The following SSBP2 variants were observed in gnomAD, a reference collection of about 807,000 sequenced individuals.
SSBP2 encodes the protein single-stranded DNA-binding protein 2.
Under a neutral mutation model 61.8 loss-of-function variants are expected in SSBP2, and 17 were observed. That is an observed-to-expected ratio of 0.28 (90% confidence interval 0.19 to 0.41). The LOEUF is 0.41. Among genes scored for constraint, SSBP2 ranks in the 10% least tolerant of loss-of-function variants. The pLI is 1.00. For synonymous variants in SSBP2, 139 were observed against 141.3 expected, an observed-to-expected ratio of 0.98 and a Z score of 0.12; for missense variants, 310 against 458.7, an observed-to-expected ratio of 0.68 and a Z score of 2.96.
chr5:81,595,401 C>T (rs1448177939), intron 4 of SSBP2, among the ~76,000 whole-genome samples: 3 of 152,196 alleles, frequency 2.0e-5, no homozygotes, highest in Admixed American at 6.5e-5. Flanking sequence ...CAGCCGAGTT[C>T]TACCAGAGGT....
chr5:81,701,113 T>C (rs1753953138), intron 1 of SSBP2, among the ~76,000 whole-genome samples: 1 of 152,236 alleles, frequency 6.6e-6, no homozygotes, highest in Admixed American at 6.5e-5. Context: ...TAGCTTTTGA[T>C]TTAAAGCAAA....
chr5:81,634,265 T>C (rs1747995369), intron 3 of SSBP2, among the ~76,000 whole-genome samples: 1 of 152,260 alleles, frequency 6.6e-6, no homozygotes, highest in Non-Finnish European at 1.5e-5. Flanking sequence ...AGACAGTTCT[T>C]TTCCATTGAT....
chr5:81,717,938 A>C (rs1383521870), intron 1 of SSBP2, among the ~76,000 whole-genome samples: 1 of 152,174 alleles, frequency 6.6e-6, no homozygotes, highest in Non-Finnish European at 1.5e-5. Flanking sequence ...CTCTCCACGT[A>C]AAACAAATGT....
intron 1 of SSBP2, among the ~76,000 whole-genome samples, chr5:81,688,820 G>A (rs1753005763): frequency 6.6e-6 from 1 of 151,998 alleles, no homozygotes; most frequent in Admixed American, 6.6e-5. Context: ...GAACACTGAT[G>A]AACAACTGCA....
intron 4 of SSBP2, among the ~76,000 whole-genome samples, chr5:81,544,635 G>C (rs1220849331): frequency 6.6e-6 from 1 of 152,132 alleles, no homozygotes; most frequent in Non-Finnish European, 1.5e-5. Flanking sequence ...ACAAAACTAA[G>C]AGTAAATGTG....
intron 6 of SSBP2, among the ~76,000 whole-genome samples, chr5:81,483,730 C>A (rs1327710202): frequency 1.3e-5 from 2 of 151,634 alleles, no homozygotes. Context: ...GATGTTTGTC[C>A]CTATAGCACA....
At chr5:81,432,719 C>G (rs764922781) in intron 15 of SSBP2, among the ~76,000 whole-genome samples, 1 of 152,140 alleles carries the variant, frequency 6.6e-6, no homozygotes, top group Non-Finnish European at 1.5e-5. Flanking sequence ...GTACTCCAGC[C>G]TGGGCGACAG....
At position 81,611,558 on chromosome 5, in the gene SSBP2, G is replaced by T. The variant is rs536005678; in HGVS notation, c.282+3915C>A. On this transcript the variant is annotated intron_variant, in intron 4 of 16. Transcript: ENST00000320672. ...TAAGTTAAAAATGCATGCTATTTTT[G>T]AAAGAATATCATGTTTTTTAAATTT... Among the ~76,000 whole-genome samples the T allele has an allele frequency of 2.0e-3, 311 of 152,074 alleles. 2 individuals carry two copies. Among genetic ancestry groups the T allele is most frequent in the African/African-American group, 7.3e-3 (301 of 41,494 alleles).
intron 1 of SSBP2, among the ~76,000 whole-genome samples, chr5:81,711,819 C>T (rs1754803961): frequency 6.6e-6 from 1 of 151,954 alleles, no homozygotes; most frequent in Admixed American, 6.6e-5. Flanking sequence ...CTTACTCCTC[C>T]ACTTCCTAGT....
At chr5:81,689,189 A>G (rs185798844) in intron 1 of SSBP2, among the ~76,000 whole-genome samples, 106 of 152,106 alleles carry the variant, frequency 7.0e-4, no homozygotes, top group African/African-American at 2.5e-3. Context: ...CAGAGGAGAA[A>G]AAAAGAAAAA....
chr5:81,522,773 C>G (rs1253435052), intron 4 of SSBP2, among the ~76,000 whole-genome samples: 1 of 152,064 alleles, frequency 6.6e-6, no homozygotes, highest in Non-Finnish European at 1.5e-5. Flanking sequence ...GGCCACCTCA[C>G]TTAGTCACCC....
chr5:81,600,933 C>A (rs1216625373), intron 4 of SSBP2, among the ~76,000 whole-genome samples: 2 of 152,048 alleles, frequency 1.3e-5, no homozygotes, highest in African/African-American at 2.4e-5. Context: ...ATATGCTGAA[C>A]AATACAGAAT....
At chr5:81,634,620 G>A (rs751984344) in intron 3 of SSBP2, among the ~76,000 whole-genome samples, 1 of 152,166 alleles carries the variant, frequency 6.6e-6, no homozygotes, top group African/African-American at 2.4e-5. Context: ...AAACTGCATT[G>A]TATTCTCTTT....
chr5:81,661,710 G>A (rs938910499), intron 1 of SSBP2, among the ~76,000 whole-genome samples: 4 of 151,804 alleles, frequency 2.6e-5, no homozygotes, highest in African/African-American at 9.7e-5. Flanking sequence ...TCTTGCTATC[G>A]AGTTGTCTGA....
chr5:81,586,261 A>G (rs143787402), intron 4 of SSBP2, among the ~76,000 whole-genome samples: 3 of 152,250 alleles, frequency 2.0e-5, no homozygotes, highest in East Asian at 1.9e-4. Context: ...ATTCTCACCA[A>G]AAGTGTACAG....
At chr5:81,656,897 A>T (rs926688265) in intron 1 of SSBP2, among the ~76,000 whole-genome samples, 1 of 152,138 alleles carries the variant, frequency 6.6e-6, no homozygotes, top group East Asian at 1.9e-4. Flanking sequence ...TGAAAAAGTC[A>T]TAAGTTTTTT....
chr5:81,526,146 T>C (rs1052368069), intron 4 of SSBP2, among the ~76,000 whole-genome samples: 1 of 152,094 alleles, frequency 6.6e-6, no homozygotes, highest in African/African-American at 2.4e-5. Flanking sequence ...AAAATTTGTT[T>C]CATTGTTTCA....
chr5:81,717,093 T>C (rs1755214708), intron 1 of SSBP2, among the ~76,000 whole-genome samples: 1 of 152,170 alleles, frequency 6.6e-6, no homozygotes, highest in Non-Finnish European at 1.5e-5. Context: ...CTGGAAGACA[T>C]TCATTGATGG....
intron 6 of SSBP2, among the ~76,000 whole-genome samples, chr5:81,488,267 T>TC (rs2154050959): frequency 6.6e-6 from 1 of 151,648 alleles, no homozygotes; most frequent in Admixed American, 6.6e-5. Context: ...GTATGGTAGT[T>TC]CAATTTTTAA....
Sources: gnomAD v4.1 joint callset for allele counts (sites outside exome capture counted in the v4.1 genomes callset) on GRCh38, gnomAD v4.1.1 for gene constraint, MANE v1.5 for transcripts, NCBI Gene and HGNC (gene_info 2026-07-23, HGNC 2026-07-21) for gene names.